The following MAPK6 variants were observed in gnomAD, a reference collection of about 807,000 sequenced individuals.
The protein encoded by MAPK6 is mitogen-activated protein kinase 6.
Under a neutral mutation model 59.3 loss-of-function variants are expected in MAPK6, and 19 were observed. The observed-to-expected ratio is 0.32, with a 90% CI of 0.22 to 0.47. The LOEUF is 0.47. MAPK6 is among the 20% of genes least tolerant of loss of function. The pLI is 1.00. For synonymous variants in MAPK6, 316 were observed against 290.3 expected (o/e 1.09, Z -0.90); for missense variants, 724 against 847.9 (o/e 0.85, Z 1.81).
intron 2 of MAPK6, among the ~76,000 whole-genome samples, chr15:51,995,624 A>G (rs1467594111): frequency 1.3e-5 from 2 of 152,138 alleles, no homozygotes; most frequent in African/African-American, 2.4e-5. Flanking sequence ...TGGGGCCACA[A>G]TCAAAACTTA....
intron 3 of MAPK6, among the ~76,000 whole-genome samples, chr15:52,055,864 G>A (rs745541190): frequency 2.0e-5 from 3 of 152,086 alleles, no homozygotes; most frequent in African/African-American, 7.2e-5. Flanking sequence ...ATGCACATTC[G>A]GACATTAAAT....
intron 1 of MAPK6, chr15:52,027,588 G>A (rs2030849334): frequency 6.9e-6 from 1 of 144,858 alleles, no homozygotes; most frequent in South Asian, 2.2e-4. Context: ...TGCTCTGGAT[G>A]TCTTCTCTTG....
intron 1 of MAPK6, among the ~76,000 whole-genome samples, chr15:51,981,846 C>A (rs967035921): frequency 3.3e-5 from 5 of 150,532 alleles, no homozygotes; most frequent in Admixed American, 3.3e-4. Context: ...ATAAGAAAAA[C>A]GATATGCAGA....
chr15:52,058,218 T>C (rs1333580432), intron 3 of MAPK6, among the ~76,000 whole-genome samples: 3 of 152,244 alleles, frequency 2.0e-5, no homozygotes, highest in Non-Finnish European at 4.4e-5. Flanking sequence ...CTTCCTGTTT[T>C]ACAAGTCTAG....
intron 1 of MAPK6, among the ~76,000 whole-genome samples, chr15:52,036,755 G>C (rs922093751): frequency 6.6e-6 from 1 of 151,954 alleles, no homozygotes; most frequent in Non-Finnish European, 1.5e-5. Flanking sequence ...TTTAAATCTC[G>C]CAAGCTTTCT....
rs570780906 is a variant in MAPK6 at position 52,019,822 on chromosome 15, G to T, written c.-632+446G>T. On this transcript the variant is annotated intron_variant, in intron 1 of 5. Transcript: ENST00000261845. Reference sequence around the variant, plus strand: ...GGAGGGCGGGCGAGCGAGGGGCGGCGGCCCGGGGAACATGAGGTGGCGTGG... The same window carrying T: ...GGAGGGCGGGCGAGCGAGGGGCGGCTGCCCGGGGAACATGAGGTGGCGTGG... The T allele has an allele frequency of 6.4e-3, 974 of 152,392 alleles. 6 individuals are homozygous for T. Among genetic ancestry groups the T allele is most frequent in the Non-Finnish European group, 8.1e-3 (554 of 68,058 alleles). 9.4% of individuals were successfully genotyped at this position (152,392 alleles called of 1,614,324 possible).
intron 3 of MAPK6, among the ~76,000 whole-genome samples, chr15:52,013,725 G>A (rs1247393573): frequency 4.6e-5 from 7 of 152,088 alleles, no homozygotes; most frequent in African/African-American, 1.7e-4. Context: ...ACTTACACAG[G>A]AAGGGGAGGC....
At chr15:51,976,138 T>C (rs554641045) in intron 1 of MAPK6, among the ~76,000 whole-genome samples, 4 of 151,168 alleles carry the variant, frequency 2.6e-5, no homozygotes, top group Non-Finnish European at 5.9e-5. Flanking sequence ...TGGTGGCACA[T>C]GCCTGTAGTC....
chr15:52,062,287 A>G (rs2032234118), intron 5 of MAPK6, among the ~76,000 whole-genome samples: 1 of 151,790 alleles, frequency 6.6e-6, no homozygotes, highest in South Asian at 2.1e-4. Flanking sequence ...TTGGCCTCCC[A>G]CAGTGCTGAA....
At chr15:51,998,455 TCAG>T (rs1360902246) in intron 2 of MAPK6, among the ~76,000 whole-genome samples, 2 of 150,976 alleles carry the variant, frequency 1.3e-5, no homozygotes, top group African/African-American at 2.4e-5. Context: ...TCCACCGGCC[TCAG>T]CCTCATAAAG....
chr15:51,997,843 C>A (rs932576585), intron 2 of MAPK6, among the ~76,000 whole-genome samples: 2 of 152,012 alleles, frequency 1.3e-5, no homozygotes, highest in African/African-American at 4.8e-5. Context: ...CCACCCACGT[C>A]AGCCTCCCAA....
At chr15:52,035,246 C>T (rs2031198076) in intron 1 of MAPK6, among the ~76,000 whole-genome samples, 1 of 152,216 alleles carries the variant, frequency 6.6e-6, no homozygotes, top group Non-Finnish European at 1.5e-5. Context: ...TGATCCCCTT[C>T]TACAGAGAGG....
At chr15:52,031,265 C>G (rs2031022717) in intron 1 of MAPK6, among the ~76,000 whole-genome samples, 2 of 152,108 alleles carry the variant, frequency 1.3e-5, no homozygotes, top group Non-Finnish European at 1.5e-5. Context: ...GAAATATACT[C>G]TACTCAAAAG....
At chr15:52,026,150 G>A (rs770190618) in intron 1 of MAPK6, among the ~76,000 whole-genome samples, 4 of 152,208 alleles carry the variant, frequency 2.6e-5, no homozygotes, top group African/African-American at 4.8e-5. Context: ...CCTGTGGAAA[G>A]CATTGGCAGG....
chr15:52,033,744 C>T (rs1049906731), intron 1 of MAPK6: 1 of 152,016 alleles, frequency 6.6e-6, no homozygotes, highest in Admixed American at 6.5e-5. Context: ...TATTTCTGTC[C>T]CTGTGGAGAA....
At chr15:52,028,385 C>T (rs182959873) in intron 1 of MAPK6, among the ~76,000 whole-genome samples, 7 of 152,240 alleles carry the variant, frequency 4.6e-5, no homozygotes, top group African/African-American at 1.7e-4. Flanking sequence ...TCGCACCCTG[C>T]CAGCCTGTTG....
At chr15:52,000,359 G>A (rs1304833206) in intron 2 of MAPK6, among the ~76,000 whole-genome samples, 1 of 152,082 alleles carries the variant, frequency 6.6e-6, no homozygotes, top group Non-Finnish European at 1.5e-5. Context: ...AGAACCCATT[G>A]CCTAATTTAA....
At chr15:51,995,727 A>G (rs914169909) in intron 2 of MAPK6, among the ~76,000 whole-genome samples, 2 of 152,104 alleles carry the variant, frequency 1.3e-5, no homozygotes, top group African/African-American at 4.8e-5. Flanking sequence ...CAAGAATTTG[A>G]GAATATCCTG....
At chr15:52,063,318 C>T (rs2032279071) in intron 5 of MAPK6, among the ~76,000 whole-genome samples, 1 of 152,208 alleles carries the variant, frequency 6.6e-6, no homozygotes, top group African/African-American at 2.4e-5. Flanking sequence ...CCACCTTGGC[C>T]TTCTTGAAGT....
Sources: gnomAD v4.1 joint callset for allele counts (sites outside exome capture counted in the v4.1 genomes callset) on GRCh38, gnomAD v4.1.1 for gene constraint, MANE v1.5 for transcripts, NCBI Gene and HGNC (gene_info 2026-07-23, HGNC 2026-07-21) for gene names.